Variants in PSMD1 observed in about 807,000 individuals in gnomAD.
PSMD1 encodes proteasome 26S subunit, non-ATPase 1.
PSMD1 carries 18 observed loss-of-function variants against 119.0 expected under a neutral mutation model. The ratio of observed to expected loss-of-function variants is 0.15; its 90% CI spans 0.10 to 0.22. The LOEUF is 0.22. Ranked by LOEUF, PSMD1 falls within the 10% of genes least tolerant of loss-of-function variation. The probability of loss-of-function intolerance (pLI) is 1.00; values close to 1 mark genes in which losing one functional copy is unlikely to be tolerated. For synonymous variants in PSMD1, 374 were observed against 396.6 expected (o/e 0.94, Z 0.68); for missense variants, 702 against 1,158.5 (o/e 0.61, Z 5.72).
At chr2:231,082,466 G>T (rs1055577655) in intron 12 of PSMD1, among the ~76,000 whole-genome samples, 9 of 152,214 alleles carry the variant, frequency 5.9e-5, no homozygotes, top group East Asian at 1.9e-4. Context: ...AACTTTGGGA[G>T]GCCAAGGTGG....
intron 15 of PSMD1, 89 bp downstream of exon 15, chr2:231,085,203 C>A: frequency 9.6e-7 from 1 of 1,040,572 alleles, no homozygotes; most frequent in Non-Finnish European, 1.5e-6. Flanking sequence ...GCATCCACAG[C>A]GCATGACCAC....
At chr2:231,070,863 G>A (rs2125160698) in intron 6 of PSMD1, among the ~76,000 whole-genome samples, 1 of 152,106 alleles carries the variant, frequency 6.6e-6, no homozygotes, top group South Asian at 2.1e-4. Context: ...TCAGGGCATA[G>A]CATTTTATTG....
At chr2:231,084,074 C>T (rs895898377) in intron 14 of PSMD1, among the ~76,000 whole-genome samples, 2 of 152,084 alleles carry the variant, frequency 1.3e-5, no homozygotes, top group East Asian at 1.9e-4. Flanking sequence ...TTGGGCCAGG[C>T]GTGGTGGCTC....
intron 16 of PSMD1, chr2:231,109,478 G>T: frequency 7.6e-7 from 1 of 1,317,934 alleles, no homozygotes; most frequent in Non-Finnish European, 1.1e-6. Context: ...AGATCCTTTT[G>T]GATTGTATCC....
intron 1 of PSMD1, among the ~76,000 whole-genome samples, chr2:231,059,821 C>A (rs1036081487): frequency 1.3e-5 from 2 of 152,220 alleles, no homozygotes; most frequent in Non-Finnish European, 2.9e-5. Context: ...ATTCTCTCCC[C>A]TCTCCAGAAG....
At chr2:231,162,259 T>A (rs975033532) in intron 20 of PSMD1, among the ~76,000 whole-genome samples, 1 of 152,270 alleles carries the variant, frequency 6.6e-6, no homozygotes, top group Non-Finnish European at 1.5e-5. Context: ...TTTTGACCTT[T>A]AAATAACTCT....
chr2:231,156,347 A>G (rs569098210), intron 19 of PSMD1, among the ~76,000 whole-genome samples: 1 of 152,278 alleles, frequency 6.6e-6, no homozygotes, highest in East Asian at 1.9e-4. Context: ...TTGACACATT[A>G]TTATTAACTA....
intron 1 of PSMD1, among the ~76,000 whole-genome samples, chr2:231,058,340 C>G (rs1448999893): frequency 6.6e-6 from 1 of 152,150 alleles, no homozygotes; most frequent in Non-Finnish European, 1.5e-5. Context: ...CGACCATTAC[C>G]TCCGTACAGC....
chr2:231,142,358 A>C (rs1696144670), intron 17 of PSMD1, among the ~76,000 whole-genome samples: 1 of 152,176 alleles, frequency 6.6e-6, no homozygotes, highest in African/African-American at 2.4e-5. Context: ...CAAAGGAAGA[A>C]TATAGTTGTA....
chr2:231,166,814 A>G (rs552228254), intron 23 of PSMD1, among the ~76,000 whole-genome samples: 9 of 152,196 alleles, frequency 5.9e-5, no homozygotes, highest in Non-Finnish European at 1.3e-4. Context: ...TGGTGGGTCA[A>G]AGGCAACTCC....
chr2:231,096,201 G>A (rs545054289), intron 16 of PSMD1, among the ~76,000 whole-genome samples: 1 of 152,318 alleles, frequency 6.6e-6, no homozygotes, highest in East Asian at 1.9e-4. Context: ...CAGGCTAAGA[G>A]CTCCCCTTCT....
rs1000347784 is a variant in PSMD1, at chr2:231,113,592, G to A, written c.1884-25144G>A. The A allele has an allele frequency of 8.8e-6, 7 of 795,960 alleles. 1 individual carries two copies. The highest frequency in any genetic ancestry group is 1.6e-5 in the Non-Finnish European group (7 of 442,084). The allele number at this position is 795,960 out of a possible 1,614,324, so 49.3% of individuals were successfully genotyped here. A position where few individuals can be genotyped will look rare whatever the true frequency, so the allele number is the denominator to read the frequency against. On this transcript the variant is annotated intron_variant, in intron 16 of 24. Transcript: ENST00000308696. ...GCGTATGATAAATGCAGTGACATAA[G>A]GAGCTTATGTTAATGTATCAGTAGG...
At chr2:231,108,463 C>T in intron 16 of PSMD1, 1 of 1,285,432 alleles carries the variant, frequency 7.8e-7, no homozygotes, top group South Asian at 1.2e-5. Flanking sequence ...GGCACATTTA[C>T]ATCTCATTCA....
At chr2:231,169,592 T>C (rs1320399552) in intron 23 of PSMD1, among the ~76,000 whole-genome samples, 2 of 152,138 alleles carry the variant, frequency 1.3e-5, no homozygotes, top group Non-Finnish European at 2.9e-5. Context: ...TGAGTAAAAA[T>C]TGGATTAGGT....
At chr2:231,142,991 A>G (rs1418047212) in intron 17 of PSMD1, among the ~76,000 whole-genome samples, 2 of 152,198 alleles carry the variant, frequency 1.3e-5, no homozygotes, top group Non-Finnish European at 2.9e-5. Context: ...TGGTCTTGGA[A>G]TGAAGGATAC....
At position 231,057,041 on chromosome 2, in the gene PSMD1, G is replaced by A; in HGVS notation, c.16G>A (p.Ala6Thr). Residue 6 changes from alanine (A) to threonine (T), a missense_variant and splice_region_variant, in exon 1 of 25, where the codon GCT becomes ACT. Around this residue, in one of 9 missense-constraint regions of PSMD1, gnomAD observed 60 missense variants for 118.2 expected, o/e 0.51. Coordinates refer to ENST00000308696, the MANE Select transcript of PSMD1 (RefSeq NM_002807.4). MITSA[A>T]GIISLLDEDE... ...GGGCGCAGCCATGATCACCTCGGCCGGTGAGTGCGGCCCGTAGCCAGCGCC... is the reference window on the plus strand; with the variant it reads ...GGGCGCAGCCATGATCACCTCGGCCAGTGAGTGCGGCCCGTAGCCAGCGCC... 6.5e-7 allele frequency: 1 copy of A among 1,531,632 alleles called. No homozygotes were observed. Among genetic ancestry groups the A allele is most frequent in the Non-Finnish European group, 8.8e-7 (1 of 1,141,198 alleles). The allele number at this position is 1,531,632 out of a possible 1,614,324, so 94.9% of individuals were successfully genotyped here.
At chr2:231,144,273 C>T (rs1696200350) in intron 17 of PSMD1, among the ~76,000 whole-genome samples, 1 of 148,058 alleles carries the variant, frequency 6.8e-6, no homozygotes, top group African/African-American at 2.5e-5. Context: ...TTTTTGGAGA[C>T]AGAGTTTCAC....
Position 231,108,782 on chromosome 2 carries a change from T to C in PSMD1, c.1883+21601T>C, listed in dbSNP as rs770228618. 7.4e-6 allele frequency: 12 copies of C among 1,614,038 alleles called. No individual in the cohort carries two copies. In the East Asian group the frequency reaches 8.9e-5, roughly 12 times the overall value. ...TGTGGCCCGGTAATTGCAGGTGATA[T>C]ATCGGCCAAATGCATCCCGAAATGT... On this transcript the variant is annotated intron_variant, in intron 16 of 24. Coordinates refer to ENST00000308696, the MANE Select transcript of PSMD1 (RefSeq NM_002807.4).
intron 16 of PSMD1, among the ~76,000 whole-genome samples, chr2:231,115,119 A>G (rs1242194867): frequency 6.6e-6 from 1 of 152,134 alleles, no homozygotes; most frequent in African/African-American, 2.4e-5. Flanking sequence ...CAGAACAACA[A>G]GAGACTCTTC....
Sources: gnomAD v4.1 joint callset for allele counts (sites outside exome capture counted in the v4.1 genomes callset) on GRCh38, gnomAD v4.1.1 for gene constraint, gnomAD v4.1.1 regional missense constraint, MANE v1.5 for transcripts, NCBI Gene and HGNC (gene_info 2026-07-23, HGNC 2026-07-21) for gene names.